YY1AP1: variants seen among roughly 807,000 people sequenced by gnomAD.
The protein encoded by YY1AP1 is YY1-associated protein 1.
YY1AP1 carries 43 observed loss-of-function variants against 39.9 expected under a neutral mutation model. The observed-to-expected ratio is 1.08, with a 90% CI of 0.84 to 1.39. YY1AP1 has a LOEUF of 1.39. Among genes scored for constraint, YY1AP1 ranks in the 40% most tolerant of loss-of-function variants. The pLI, the probability that YY1AP1 is intolerant of heterozygous loss-of-function variation, is 0.00. For synonymous variants in YY1AP1, 292 were observed against 331.3 expected (o/e 0.88, Z 1.29); for missense variants, 813 against 900.7 (o/e 0.90, Z 1.25).
At chr1:155,682,497 T>TTAC (rs1651664324) in intron 2 of YY1AP1, among the ~76,000 whole-genome samples, 1 of 152,070 alleles carries the variant, frequency 6.6e-6, no homozygotes, top group Non-Finnish European at 1.5e-5. Context: ...GTAGCTGGGA[T>TTAC]TACAGGCACC....
At chr1:155,670,501 G>A in intron 7 of YY1AP1, 37 bp from the exon 8 acceptor site, 4 of 1,608,212 alleles carry the variant, frequency 2.5e-6, no homozygotes, top group Non-Finnish European at 3.4e-6. Context: ...TCAACTTCTA[G>A]GAAAAAAGAG....
chr1:155,688,329 A>AGCG (rs1558323371), intron 1 of YY1AP1, 128 bp from the exon 2 acceptor site: 1 of 1,549,154 alleles, frequency 6.5e-7, no homozygotes, highest in Admixed American at 2.0e-5. Context: ...TGGCGGCGGC[A>AGCG]GCGGCGGCAG....
chr1:155,664,794 G>A (rs1648703880), intron 9 of YY1AP1, among the ~76,000 whole-genome samples: 1 of 146,848 alleles, frequency 6.8e-6, no homozygotes, highest in Non-Finnish European at 1.5e-5. Context: ...TTTTAATACG[G>A]AGTCTCGCTC....
chr1:155,664,999 C>G (rs540575359), intron 9 of YY1AP1, among the ~76,000 whole-genome samples: 3 of 151,696 alleles, frequency 2.0e-5, no homozygotes, highest in Admixed American at 2.0e-4. Flanking sequence ...CTCGATTTCC[C>G]GACCTCGTGA....
Position 155,663,675 on chromosome 1 carries a change from C to T in YY1AP1, c.880-2252G>A, listed in dbSNP as rs373413919. On this transcript the variant is annotated intron_variant, in intron 9 of 10. Coordinates refer to ENST00000355499, the MANE Select transcript of YY1AP1 (RefSeq NM_139119.3). ...CAGAGGTTCCAGTGAGCCAAGATCA[C>T]GCCATTGCACTCCAGCCTGGGCAAT... Among the ~76,000 whole-genome samples, 396 of 152,152 alleles carry T rather than the reference C, an allele frequency of 2.6e-3. 2 individuals are homozygous for T. Among genetic ancestry groups the T allele is most frequent in the African/African-American group, 8.9e-3 (370 of 41,522 alleles).
intron 9 of YY1AP1, among the ~76,000 whole-genome samples, chr1:155,666,267 G>A (rs1330781361): frequency 1.3e-5 from 2 of 151,940 alleles, no homozygotes; most frequent in Non-Finnish European, 2.9e-5. Flanking sequence ...GACTACAGGC[G>A]CCCGCCACCA....
At chr1:155,681,400 C>T (rs1651494173) in intron 2 of YY1AP1, among the ~76,000 whole-genome samples, 1 of 152,076 alleles carries the variant, frequency 6.6e-6, no homozygotes, top group Non-Finnish European at 1.5e-5. Context: ...ACAAGTCTCC[C>T]AACCTGGGCA....
chr1:155,663,383 A>G (rs1350829361), intron 9 of YY1AP1, among the ~76,000 whole-genome samples: 1 of 148,788 alleles, frequency 6.7e-6, no homozygotes, highest in Non-Finnish European at 1.5e-5. Context: ...AAAAAAAAAA[A>G]AAATTATTTC....
chr1:155,685,980 A>C (rs1226174257), intron 2 of YY1AP1, among the ~76,000 whole-genome samples: 1 of 148,760 alleles, frequency 6.7e-6, no homozygotes, highest in Admixed American at 6.7e-5. Flanking sequence ...TTCTTACCTC[A>C]TATTCATAGA....
intron 2 of YY1AP1, among the ~76,000 whole-genome samples, chr1:155,684,964 A>G (rs1652019498): frequency 6.6e-6 from 1 of 152,204 alleles, no homozygotes; most frequent in African/African-American, 2.4e-5. Flanking sequence ...TCAAATAGCT[A>G]CTGGATTTTA....
rs1299703930 is a variant in YY1AP1 at position 155,677,200 on chromosome 1, T to A, written c.126-454A>T. 3.3e-5 allele frequency among the ~76,000 whole-genome samples: 5 copies of A among 152,190 alleles called. No individual in the cohort carries two copies. The East Asian group carries it at 9.6e-4, about 29-fold the overall frequency. On this transcript the variant is annotated intron_variant, in intron 4 of 10. Coordinates refer to ENST00000355499, the MANE Select transcript of YY1AP1 (RefSeq NM_139119.3). Reference sequence around the variant, plus strand: ...CTGCTTTCTTAACAAGTCAAAGACTTTCTAGCATGAAGCAGGAAAAGGATA... The same window carrying A: ...CTGCTTTCTTAACAAGTCAAAGACTATCTAGCATGAAGCAGGAAAAGGATA...
At chr1:155,685,041 A>T (rs1652028988) in intron 2 of YY1AP1, among the ~76,000 whole-genome samples, 1 of 152,170 alleles carries the variant, frequency 6.6e-6, no homozygotes. Flanking sequence ...ACATAAACTC[A>T]CTGTAGAGAT....
intron 9 of YY1AP1, among the ~76,000 whole-genome samples, chr1:155,664,115 C>A (rs1231410730): frequency 5.3e-5 from 8 of 150,388 alleles, no homozygotes; most frequent in Non-Finnish European, 1.0e-4. Context: ...CAGGGTGGGA[C>A]CCTGTCTCGG....
intron 2 of YY1AP1, among the ~76,000 whole-genome samples, chr1:155,687,025 T>A (rs919407274): frequency 2.2e-4 from 33 of 152,006 alleles, no homozygotes; most frequent in Admixed American, 4.6e-4. Context: ...AGAAGTTCTC[T>A]CCTTATGCCT....
chr1:155,668,637 T>G lies in YY1AP1; in HGVS notation c.869A>C (p.Asn290Thr). ...KNLNMNRAPD[N>T]IIKFYKKTKQ... ...GCAGGAAACACTCACTTTAATGATG[T>G]TGTCAGGAGCTCTGTTCATGTTGAG... Residue 290 changes from asparagine to threonine, a missense_variant, in exon 9 of 11, where the codon AAC becomes ACC. By Grantham distance (65) the Asn-to-Thr change is moderately conservative. Around this residue, in one of 3 missense-constraint regions of YY1AP1, gnomAD observed 586 missense variants for 647.4 expected, o/e 0.91. Transcript: ENST00000355499. The G allele has an allele frequency of 6.2e-7, 1 of 1,614,186 alleles. No homozygotes were observed. Among genetic ancestry groups the G allele is most frequent in the South Asian group, 1.1e-5 (1 of 91,086 alleles).
intron 5 of YY1AP1, among the ~76,000 whole-genome samples, chr1:155,676,294 T>G (rs1441223408): frequency 1.3e-5 from 2 of 152,114 alleles, no homozygotes; most frequent in East Asian, 1.9e-4. Context: ...AATTTCAGAA[T>G]AGATTACTGA....
intron 6 of YY1AP1, 157 bp from the exon 7 acceptor site, chr1:155,672,888 T>C: frequency 1.0e-6 from 1 of 1,003,600 alleles, no homozygotes. Context: ...GTTAAGATTA[T>C]GCCTGAGTTC....
intron 7 of YY1AP1, chr1:155,671,054 T>C (rs1649787862): frequency 6.5e-6 from 1 of 153,040 alleles, no homozygotes; most frequent in Admixed American, 6.5e-5. Flanking sequence ...TGTCACATAG[T>C]GTATGCTCAA....
chr1:155,666,453 G>C (rs1278222507), intron 9 of YY1AP1, among the ~76,000 whole-genome samples: 1 of 152,156 alleles, frequency 6.6e-6, no homozygotes, highest in African/African-American at 2.4e-5. Flanking sequence ...TGTAAACCCT[G>C]AATACAATCT....
Sources: gnomAD v4.1 joint callset for allele counts (sites outside exome capture counted in the v4.1 genomes callset) on GRCh38, gnomAD v4.1.1 for gene constraint, gnomAD v4.1.1 regional missense constraint, MANE v1.5 for transcripts, NCBI Gene and HGNC (gene_info 2026-07-23, HGNC 2026-07-21) for gene names.